EVC: variants seen among roughly 807,000 people sequenced by gnomAD.
EVC encodes the protein evC complex member EVC.
EVC carries 116 observed loss-of-function variants against 118.9 expected under a neutral mutation model. That is an observed-to-expected ratio of 0.98 (90% CI 0.84 to 1.14). The LOEUF (loss-of-function observed/expected upper bound fraction) is 1.14, where lower values mean the gene tolerates loss of function less well. Ranked by LOEUF, EVC falls within the 50% of genes most tolerant of loss-of-function variation. The pLI, the probability that EVC is intolerant of heterozygous loss-of-function variation, is 0.00. For synonymous variants in EVC, 619 were observed against 534.7 expected (o/e 1.16, Z -2.18); for missense variants, 1,401 against 1,246.4 (o/e 1.12, Z -1.87).
At chr4:5,827,913 G>A in the EVC span, 28 of 503,752 alleles carry the variant, frequency 5.6e-5, no homozygotes, top group African/African-American at 5.0e-4. Context: ...TAGGAATAGA[G>A]CCTGCTCCTT....
At chr4:5,769,386 T>C (rs1462557147) in intron 11 of EVC, among the ~76,000 whole-genome samples, 1 of 152,128 alleles carries the variant, frequency 6.6e-6, no homozygotes. Context: ...GAGCTACAAT[T>C]CAAGATGAGA....
At chr4:5,775,571 A>T (rs540793152) in intron 11 of EVC, among the ~76,000 whole-genome samples, 11 of 152,232 alleles carry the variant, frequency 7.2e-5, no homozygotes, top group African/African-American at 2.7e-4. Flanking sequence ...CTTTCACTCA[A>T]CTTGATATTT....
intron 13 of EVC, among the ~76,000 whole-genome samples, chr4:5,795,305 C>T (rs1237957871): frequency 6.6e-6 from 1 of 152,000 alleles, no homozygotes; most frequent in Non-Finnish European, 1.5e-5. Context: ...TTGTGCATAC[C>T]ATCAAGAAGC....
Position 5,745,278 on chromosome 4 carries a change from G to C in EVC, c.876G>C (p.Glu292Asp), listed in dbSNP as rs902304992. 1 of 1,613,918 alleles carries C rather than the reference G, an allele frequency of 6.2e-7. No individual in the cohort carries two copies. The highest frequency in any genetic ancestry group is 1.3e-5 in the African/African-American group (1 of 75,018). The change falls in exon 7 of 21, where the codon GAG (glutamate) becomes GAC (aspartate). Residue 292 changes from glutamate to aspartate, a missense_variant. Glu to Asp is a conservative substitution (Grantham distance 45, BLOSUM62 2). Transcript: ENST00000264956. ...NTEMSGAGDS[E>D]YITLADVEKK... ...AAATGTCGGGGGCTGGTGACTCTGAGTACATCACCCTGGCTGATGTGGAAA... is the reference window on the plus strand; with the variant it reads ...AAATGTCGGGGGCTGGTGACTCTGACTACATCACCCTGGCTGATGTGGAAA...
intron 11 of EVC, among the ~76,000 whole-genome samples, chr4:5,758,578 A>G (rs1285560508): frequency 6.6e-6 from 1 of 152,180 alleles, no homozygotes; most frequent in South Asian, 2.1e-4. Context: ...CAGAGGAGTC[A>G]AGACTCACAT....
downstream of EVC, among the ~76,000 whole-genome samples, chr4:5,814,704 C>T (rs1717407311): frequency 6.6e-6 from 1 of 152,106 alleles, no homozygotes; most frequent in Non-Finnish European, 1.5e-5. Context: ...ACATGGGCCA[C>T]ACCCCTGCCC....
intron 8 of EVC, 134 bp from the exon 9 acceptor site, chr4:5,752,702 A>G: frequency 1.1e-6 from 1 of 889,446 alleles, no homozygotes; most frequent in Non-Finnish European, 1.9e-6. Flanking sequence ...GGGGGAGTTC[A>G]TCCCTCTGAG....
intron 3 of EVC, among the ~76,000 whole-genome samples, chr4:5,729,637 C>G (rs1726467299): frequency 1.3e-5 from 2 of 152,156 alleles, no homozygotes; most frequent in South Asian, 4.1e-4. Context: ...ACAGCTCCCT[C>G]TCTGCCTTTT....
chr4:5,806,171 C>A (rs1715875731), intron 17 of EVC, among the ~76,000 whole-genome samples: 1 of 151,898 alleles, frequency 6.6e-6, no homozygotes, highest in African/African-American at 2.4e-5. Flanking sequence ...CCTCCGCCTC[C>A]CGGGTTCAAG....
Position 5,813,072 on chromosome 4 carries a change from A to T in EVC, c.*2035A>T, listed in dbSNP as rs1237560022. 1 of 152,218 alleles carries T rather than the reference A, an allele frequency of 6.6e-6. No individual in the cohort carries two copies. Among genetic ancestry groups the T allele is most frequent in the Non-Finnish European group, 1.5e-5 (1 of 68,046 alleles). The allele number at this position is 152,218 out of a possible 1,614,324, so 9.4% of individuals were successfully genotyped here. On this transcript the variant is annotated 3_prime_UTR_variant, in exon 21 of 21. Coordinates refer to ENST00000264956, the MANE Select transcript of EVC (RefSeq NM_153717.3). ...TCCCAGTGGCCAAAACTTAATCATC[A>T]GAGCGCTTCCTTCAGTTCCTCACCC...
the EVC span, among the ~76,000 whole-genome samples, chr4:5,823,891 T>A: frequency 1.4e-4 from 21 of 152,180 alleles, no homozygotes; most frequent in Non-Finnish European, 2.4e-4. Context: ...TAACGTAACA[T>A]ACGCAGATAT....
In EVC at chr4:5,711,216, A is replaced by G; in HGVS notation, c.-165A>G. On this transcript the variant is annotated 5_prime_UTR_variant, in exon 1 of 21. Transcript: ENST00000264956. ...GCTCCTCCCTCCGGCTCGGCGAAGC[A>G]GGGAAGGGGAGAGAAGCAGGAGTCG... is the stretch of plus-strand genomic sequence containing the variant. The G allele has an allele frequency of 1.9e-5, 6 of 308,722 alleles. No individual in the cohort carries two copies. The highest frequency in any genetic ancestry group is 2.8e-5 in the Non-Finnish European group (6 of 210,550). The allele number at this position is 308,722 out of a possible 1,614,324, so 19.1% of individuals were successfully genotyped here.
chr4:5,741,506 AT>A (rs1284276081), intron 5 of EVC, among the ~76,000 whole-genome samples: 1 of 152,244 alleles, frequency 6.6e-6, no homozygotes, highest in Non-Finnish European at 1.5e-5. Context: ...AGGAAGCTTC[AT>A]GAAAATGTAA....
chr4:5,813,184 G>A lies in EVC; in HGVS notation c.*2147G>A, dbSNP rs993705299. 6.6e-6 allele frequency: 1 copy of A among 152,180 alleles called. No homozygotes were observed. The highest frequency in any genetic ancestry group is 2.4e-5 in the African/African-American group (1 of 41,452). 9.4% of individuals were successfully genotyped at this position (152,180 alleles called of 1,614,324 possible). A position where few individuals can be genotyped will look rare whatever the true frequency, so the allele number is the denominator to read the frequency against. ...TGGTTATTCCATGGAGTTGTGCAAA[G>A]CTATGGCTTCCTTGGTGCAATATTC... On this transcript the variant is annotated 3_prime_UTR_variant, in exon 21 of 21. Transcript: ENST00000264956.
the EVC span, among the ~76,000 whole-genome samples, chr4:5,819,566 C>A: frequency 7.2e-5 from 11 of 152,122 alleles, no homozygotes; most frequent in African/African-American, 2.2e-4. Flanking sequence ...CTCCCATGAC[C>A]TGGGAGTCAG....
At chr4:5,713,546 A>C (rs1723396962) in intron 1 of EVC, among the ~76,000 whole-genome samples, 1 of 152,114 alleles carries the variant, frequency 6.6e-6, no homozygotes, top group Non-Finnish European at 1.5e-5. Context: ...GCATAGTGGC[A>C]GGAGCCTGTA....
downstream of EVC, among the ~76,000 whole-genome samples, chr4:5,815,779 C>T (rs779371403): frequency 8.5e-5 from 13 of 152,102 alleles, no homozygotes; most frequent in East Asian, 1.9e-4. Flanking sequence ...TCATTTGATT[C>T]GCACCTGACG....
At position 5,756,401 on chromosome 4, in the gene EVC, G is replaced by C. The variant is rs750281724; in HGVS notation, c.1563+39G>C. The C allele has an allele frequency of 5.0e-5, 77 of 1,543,646 alleles. No individual in the cohort carries two copies. The Admixed American group carries it at 5.2e-4, about 10-fold the overall frequency. ...GTGGGGACCAGCAGAGAAGCCCCAG[G>C]GTCTGTGTGTGTGCGAGAACCTCAC... On this transcript the variant is annotated intron_variant, in intron 11 of 20. Transcript: ENST00000264956. This position sits in a 1 kb window ranked among gnomAD's most constrained non-coding sequence, Gnocchi z 4.2.
chr4:5,727,031 T>C (rs941530287), intron 2 of EVC, among the ~76,000 whole-genome samples: 24 of 152,328 alleles, frequency 1.6e-4, no homozygotes, highest in African/African-American at 4.3e-4. Context: ...GCAATAAATA[T>C]ACATGTGCAT....
Sources: allele counts gnomAD v4.1 joint callset (sites outside exome capture counted in the v4.1 genomes callset), GRCh38; gene constraint gnomAD v4.1.1; non-coding constraint Gnocchi (gnomAD v3.1); transcripts MANE v1.5; gene names NCBI Gene and HGNC (gene_info 2026-07-23, HGNC 2026-07-21).